Variants in USP49 observed in about 807,000 individuals in gnomAD.
USP49 encodes ubiquitin carboxyl-terminal hydrolase 49.
Under a neutral mutation model 58.6 loss-of-function variants are expected in USP49, and 24 were observed. That is an observed-to-expected ratio of 0.41 (90% CI 0.30 to 0.58). The LOEUF (loss-of-function observed/expected upper bound fraction) is 0.58. Among genes scored for constraint, USP49 ranks in the 20% least tolerant of loss-of-function variants. USP49 has a pLI of 0.30. For synonymous variants in USP49, 408 were observed against 365.1 expected (o/e 1.12, Z -1.34); for missense variants, 703 against 866.1 (o/e 0.81, Z 2.36).
Position 41,791,549 on chromosome 6 carries a change from A to G in USP49, c.*4984T>C, listed in dbSNP as rs978035330. The G allele has an allele frequency of 4.6e-5, 7 of 152,264 alleles. No individual in the cohort carries two copies. The highest frequency in any genetic ancestry group is 8.8e-5 in the Non-Finnish European group (6 of 68,044). 9.4% of individuals were successfully genotyped at this position (152,264 alleles called of 1,614,324 possible). ...AAGGAGTTGGACTTCACTATTGCCA[A>G]AGCAACATTTTCCCCAAGGAAAGTC... is the stretch of plus-strand genomic sequence containing the variant. On this transcript the variant is annotated 3_prime_UTR_variant, in exon 8 of 8. Coordinates refer to ENST00000682992, the MANE Select transcript of USP49 (RefSeq NM_001286554.2).
intron 3 of USP49, among the ~76,000 whole-genome samples, chr6:41,832,629 T>C (rs887773616): frequency 6.6e-6 from 1 of 152,184 alleles, no homozygotes. Context: ...ACTGGGTTGT[T>C]CAAGGATACC....
intron 3 of USP49, among the ~76,000 whole-genome samples, chr6:41,824,076 C>A (rs1400354171): frequency 6.6e-6 from 1 of 152,120 alleles, no homozygotes; most frequent in East Asian, 1.9e-4. Context: ...TAAACCTAAT[C>A]AAAATACTGG....
chr6:41,799,077 CACTT>C (rs1336493844), intron 6 of USP49, 148 bp from the exon 7 acceptor site: 6 of 621,848 alleles, frequency 9.6e-6, no homozygotes, highest in African/African-American at 2.2e-5. Context: ...TCAATGTTCA[CACTT>C]ATTTATTTAT....
At chr6:41,830,009 A>G (rs1479701324) in intron 3 of USP49, among the ~76,000 whole-genome samples, 1 of 152,244 alleles carries the variant, frequency 6.6e-6, no homozygotes, top group Non-Finnish European at 1.5e-5. Flanking sequence ...CCATCCTTGC[A>G]TATAATAATT....
chr6:41,836,850 C>T (rs1773736031), intron 3 of USP49, among the ~76,000 whole-genome samples: 1 of 150,986 alleles, frequency 6.6e-6, no homozygotes, highest in Non-Finnish European at 1.5e-5. Context: ...AGAACAGACA[C>T]ACACACGCAC....
intron 3 of USP49, among the ~76,000 whole-genome samples, chr6:41,823,119 T>C (rs1200040321): frequency 6.6e-6 from 1 of 152,166 alleles, no homozygotes; most frequent in African/African-American, 2.4e-5. Context: ...GAACAATGTG[T>C]ATAATATATC....
intron 3 of USP49, among the ~76,000 whole-genome samples, chr6:41,813,038 C>T (rs1425597572): frequency 6.6e-6 from 1 of 152,126 alleles, no homozygotes; most frequent in Non-Finnish European, 1.5e-5. Context: ...ACTAGTCACA[C>T]GTGACTACTG....
At chr6:41,863,072 T>C (rs924216008) in intron 3 of USP49, among the ~76,000 whole-genome samples, 2 of 152,108 alleles carry the variant, frequency 1.3e-5, no homozygotes, top group Non-Finnish European at 2.9e-5. Flanking sequence ...CCACCGCACC[T>C]GGCCTCTCAC....
Position 41,796,280 on chromosome 6 carries a change from T to G in USP49, c.*253A>C. The G allele has an allele frequency of 2.5e-6, 1 of 394,352 alleles. No individual in the cohort carries two copies. The highest frequency in any genetic ancestry group is 4.8e-5 in the South Asian group (1 of 20,796). 24.4% of individuals were successfully genotyped at this position (394,352 alleles called of 1,614,324 possible). ...TTCCTCCACCCAGATCCCTCTATAT[T>G]CAGAAGCAACTGATGAAAGGATCTT... On this transcript the variant is annotated 3_prime_UTR_variant, in exon 8 of 8. Transcript: ENST00000682992.
At chr6:41,871,002 G>A (rs1336449046) in intron 3 of USP49, among the ~76,000 whole-genome samples, 2 of 151,868 alleles carry the variant, frequency 1.3e-5, no homozygotes, top group South Asian at 4.2e-4. Flanking sequence ...AGTGAGCCAC[G>A]ATCACACCAC....
intron 3 of USP49, among the ~76,000 whole-genome samples, chr6:41,841,800 T>C (rs1032137320): frequency 6.6e-6 from 1 of 152,210 alleles, no homozygotes; most frequent in African/African-American, 2.4e-5. Context: ...CTCACTCCTG[T>C]AATCCCAGCA....
In USP49 at chr6:41,791,640, T is replaced by G. The variant is rs916346418; in HGVS notation, c.*4893A>C. 3 of 152,242 alleles carry G rather than the reference T, an allele frequency of 2.0e-5. No individual in the cohort carries two copies. The highest frequency in any genetic ancestry group is 6.5e-5 in the Admixed American group (1 of 15,284). 9.4% of individuals were successfully genotyped at this position (152,242 alleles called of 1,614,324 possible). A position where few individuals can be genotyped will look rare whatever the true frequency, so the allele number is the denominator to read the frequency against. On this transcript the variant is annotated 3_prime_UTR_variant, in exon 8 of 8. Coordinates refer to ENST00000682992, the MANE Select transcript of USP49 (RefSeq NM_001286554.2). ...ACACAGTACTATGAAAATCTTTAGC[T>G]AGATTTTAAACGAAATATGCCAGCA...
chr6:41,871,082 GC>G (rs1271700259), intron 3 of USP49, among the ~76,000 whole-genome samples: 4 of 151,814 alleles, frequency 2.6e-5, no homozygotes, highest in Non-Finnish European at 5.9e-5. Context: ...AGAATTCCGG[GC>G]CTCAAGCCAT....
At chr6:41,881,288 CAAAAAAAAAAAAAAAAAA>C (rs57022965) in intron 2 of USP49, among the ~76,000 whole-genome samples, 4 of 20,380 alleles carry the variant, frequency 2.0e-4, no homozygotes, top group East Asian at 1.4e-3. Flanking sequence ...CATTAAATAC[CAAAAAAAAAAAAAAAAAA>C]AAAAAAAAAA....
At chr6:41,812,459 C>T (rs528195845) in intron 3 of USP49, among the ~76,000 whole-genome samples, 1 of 151,112 alleles carries the variant, frequency 6.6e-6, no homozygotes, top group African/African-American at 2.4e-5. Context: ...TTTGGGAGGC[C>T]GAGACGGGCG....
intron 3 of USP49, among the ~76,000 whole-genome samples, chr6:41,849,167 T>C (rs1277780073): frequency 6.6e-6 from 1 of 152,138 alleles, no homozygotes; most frequent in African/African-American, 2.4e-5. Context: ...AGTGGCTATA[T>C]TAATGTCAGA....
In USP49 at chr6:41,806,070, C is replaced by T. The variant is rs774788681; in HGVS notation, c.914G>A (p.Gly305Asp). 31 of 1,613,916 alleles carry T rather than the reference C, an allele frequency of 1.9e-5. No homozygotes were observed. The highest frequency in any genetic ancestry group is 2.5e-6 in the Non-Finnish European group (3 of 1,180,058). ...KATNGKTQLS[G>D]KPTNSSATEL... ...CGTGGCCGAGCTGTTGGTTGGCTTGCCAGAAAGCTGAGTCTTCCCGTTGGT... is the reference window on the plus strand; with the variant it reads ...CGTGGCCGAGCTGTTGGTTGGCTTGTCAGAAAGCTGAGTCTTCCCGTTGGT... Residue 305 changes from glycine (G) to aspartate (D), a missense_variant, in exon 4 of 8, where the codon GGC (glycine) becomes GAC (aspartate). Physicochemically the swap from Gly to Asp is moderately conservative, Grantham distance 94. Around this residue, in one of 6 missense-constraint regions of USP49, gnomAD observed 97 missense variants for 88.0 expected, o/e 1.10. Coordinates refer to ENST00000682992, the MANE Select transcript of USP49 (RefSeq NM_001286554.2). This position sits in a 1 kb window ranked among gnomAD's most constrained non-coding sequence, Gnocchi z 5.9.
chr6:41,869,065 G>A (rs971251624), intron 3 of USP49, among the ~76,000 whole-genome samples: 1 of 147,426 alleles, frequency 6.8e-6, no homozygotes, highest in African/African-American at 2.5e-5. Flanking sequence ...CATCTGGCCT[G>A]TTTCTGTTCT....
intron 2 of USP49, among the ~76,000 whole-genome samples, chr6:41,877,682 T>C (rs1337254882): frequency 6.8e-6 from 1 of 146,716 alleles, no homozygotes; most frequent in Non-Finnish European, 1.5e-5. Context: ...TGCCTCAGCC[T>C]CCCAAGTAAC....
Sources: gnomAD v4.1 joint callset for allele counts (sites outside exome capture counted in the v4.1 genomes callset) on GRCh38, gnomAD v4.1.1 for gene constraint, gnomAD v4.1.1 regional missense constraint, Gnocchi (gnomAD v3.1) non-coding constraint, MANE v1.5 for transcripts, NCBI Gene and HGNC (gene_info 2026-07-23, HGNC 2026-07-21) for gene names.